Variants in RBM10 observed in about 807,000 individuals in gnomAD.
RBM10 encodes RNA binding motif protein 10.
A neutral mutation model predicts 84.9 loss-of-function variants in RBM10; 1 was observed. The ratio of observed to expected loss-of-function variants is 0.01; its 90% confidence interval spans 0.00 to 0.06. The LOEUF is 0.06. RBM10 is among the 10% of genes least tolerant of loss of function. RBM10 has a pLI of 1.00. For missense variants in RBM10, 438 were observed against 839.0 expected (o/e 0.52, Z 5.90); for synonymous variants, 326 against 344.5 (o/e 0.95, Z 0.60).
At chrX:47,175,325 G>C (rs1935055281) in intron 6 of RBM10, among the ~76,000 whole-genome samples, 1 of 108,535 alleles carries the variant, frequency 9.2e-6, no homozygotes, top group Non-Finnish European at 1.9e-5. Context: ...CTACCACCAG[G>C]CACTAGTGCT....
chrX:47,176,452 G>T, intron 6 of RBM10, 48 bp from the exon 7 acceptor site: 1 of 1,208,669 alleles, frequency 8.3e-7, no homozygotes, highest in Non-Finnish European at 1.1e-6. Flanking sequence ...GAAACGGTGC[G>T]TGGGGCACTG....
Position 47,185,143 on chromosome X carries a change from G to A in RBM10, c.2039G>A (p.Arg680Gln), listed in dbSNP as rs782739450. 8.2e-7 allele frequency: 1 copy of A among 1,212,133 alleles called. No individual in the cohort carries two copies. Among genetic ancestry groups the A allele is most frequent in the Admixed American group, 2.2e-5 (1 of 46,112 alleles). The change falls in exon 18 of 24, where the codon CGA becomes CAA. Residue 680 changes from arginine to glutamine, a missense_variant. Arg to Gln is a conservative substitution (Grantham distance 43). Transcript: ENST00000377604. Reference protein sequence around the residue: ...KNSFQPISSLRDDERRESATA... With the variant: ...KNSFQPISSLQDDERRESATA... The stretch of plus-strand genomic sequence containing the variant: ...AGCTTCCAGCCTATCAGCTCCCTGC[G>A]AGATGACGAGAGGCGGGAGTCAGCC...
At position 47,180,512 on chromosome X, in the gene RBM10, C is replaced by T. The variant is rs369520469; in HGVS notation, c.1248+6C>T. ...CCCAGTGGGCCATCTCACAGGTACTCAGACCCCTTGTGCCTCCCAGCGTCC... is the reference window on the plus strand; with the variant it reads ...CCCAGTGGGCCATCTCACAGGTACTTAGACCCCTTGTGCCTCCCAGCGTCC... On this transcript the variant is annotated splice_donor_region_variant and intron_variant, in intron 12 of 23. Coordinates refer to ENST00000377604, the MANE Select transcript of RBM10 (RefSeq NM_005676.5). 2.9e-5 allele frequency: 35 copies of T among 1,207,983 alleles called. No individual in the cohort carries two copies. Among genetic ancestry groups the T allele is most frequent in the South Asian group, 7.1e-5 (4 of 56,459 alleles).
intron 10 of RBM10, 55 bp from the exon 11 acceptor site, chrX:47,180,157 G>T: frequency 8.5e-7 from 1 of 1,175,133 alleles, no homozygotes; most frequent in Non-Finnish European, 1.2e-6. Context: ...GGGCAATGGA[G>T]CCGGGGGCCT....
In RBM10 at chrX:47,185,424, C is replaced by T. The variant is rs782231863; in HGVS notation, c.2167-18C>T. On this transcript the variant is annotated intron_variant, in intron 19 of 23. Coordinates refer to ENST00000377604, the MANE Select transcript of RBM10 (RefSeq NM_005676.5). The stretch of plus-strand genomic sequence containing the variant: ...TCTGATCTGGCCAGGCCTGACCGCC[C>T]ACCCTCACCCTCTACAGAGCCCTCC... The T allele has an allele frequency of 6.5e-5, 76 of 1,173,743 alleles. 1 individual carries two copies. In the South Asian group the frequency reaches 1.4e-3, roughly 21 times the overall value.
intron 5 of RBM10, among the ~76,000 whole-genome samples, chrX:47,174,679 C>T (rs925619415): frequency 9.0e-6 from 1 of 110,699 alleles, no homozygotes; most frequent in Non-Finnish European, 1.9e-5. Context: ...TTCTTTCCCT[C>T]CCAGCTGCTT....
At chrX:47,152,635 C>T (rs937302408) in intron 2 of RBM10, among the ~76,000 whole-genome samples, 5 of 106,252 alleles carry the variant, frequency 4.7e-5, no homozygotes, top group East Asian at 5.9e-4. Flanking sequence ...TTATTAGAAA[C>T]GAGGTTTCAC....
At chrX:47,170,695 T>C (rs2147133395) in intron 3 of RBM10, among the ~76,000 whole-genome samples, 1 of 111,383 alleles carries the variant, frequency 9.0e-6, no homozygotes, top group African/African-American at 3.3e-5. Flanking sequence ...AAATCAAGGG[T>C]GGGGTCTGGT....
intron 5 of RBM10, among the ~76,000 whole-genome samples, chrX:47,174,002 A>C (rs1340765510): frequency 1.2e-5 from 1 of 84,373 alleles, no homozygotes; most frequent in Non-Finnish European, 2.2e-5. Flanking sequence ...CCTCCTATGC[A>C]TCCTAACGGT....
intron 2 of RBM10, chrX:47,156,956 G>A (rs1317343225): frequency 2.0e-5 from 5 of 246,513 alleles, no homozygotes; most frequent in Non-Finnish European, 3.9e-5. Flanking sequence ...AGAGGTCTGT[G>A]AAGAACCTGC....
Position 47,153,892 on chromosome X carries a change from T to C in RBM10, c.17+6394T>C, listed in dbSNP as rs1463138815. On this transcript the variant is annotated intron_variant, in intron 2 of 23. Coordinates refer to ENST00000377604, the MANE Select transcript of RBM10 (RefSeq NM_005676.5). Reference sequence around the variant, plus strand: ...GGGCAACATGGCGAAACTCTGTCTCTACAAAAAATACAAAAATTAGCTGGG... The same window carrying C: ...GGGCAACATGGCGAAACTCTGTCTCCACAAAAAATACAAAAATTAGCTGGG... Among the ~76,000 whole-genome samples, 3 of 110,731 alleles carry C rather than the reference T, an allele frequency of 2.7e-5. No individual in the cohort carries two copies. The East Asian group carries it at 8.5e-4, about 31-fold the overall frequency.
intron 2 of RBM10, among the ~76,000 whole-genome samples, chrX:47,160,350 C>T (rs1164647021): frequency 2.7e-5 from 3 of 111,923 alleles, no homozygotes; most frequent in Non-Finnish European, 3.8e-5. Flanking sequence ...TCATAAGCTA[C>T]ACATCTGACA....
At chrX:47,160,078 A>C (rs782469431) in intron 2 of RBM10, among the ~76,000 whole-genome samples, 1 of 112,221 alleles carries the variant, frequency 8.9e-6, no homozygotes, top group Non-Finnish European at 1.9e-5. Context: ...CGGAGGTTGC[A>C]GTGAGCCAAG....
intron 17 of RBM10, 47 bp from the exon 18 acceptor site, chrX:47,185,008 C>G: frequency 3.4e-6 from 4 of 1,181,100 alleles, no homozygotes; most frequent in Non-Finnish European, 4.6e-6. Flanking sequence ...TTAGTAGCCC[C>G]AGGGTCATGA....
At chrX:47,179,775 G>T in intron 9 of RBM10, 105 bp from the exon 10 acceptor site, 1 of 1,028,180 alleles carries the variant, frequency 9.7e-7, no homozygotes, top group Non-Finnish European at 1.3e-6. Flanking sequence ...AGTTGCAAAG[G>T]CACGGAGTGA....
intron 2 of RBM10, among the ~76,000 whole-genome samples, chrX:47,152,783 A>ACACC (rs1932844726): frequency 9.9e-6 from 1 of 101,454 alleles, no homozygotes; most frequent in South Asian, 4.8e-4. Flanking sequence ...AGACACACAC[A>ACACC]CACACACACA....
At chrX:47,157,410 G>T in intron 2 of RBM10, 1 of 332,657 alleles carries the variant, frequency 3.0e-6, no homozygotes, top group South Asian at 3.4e-5. Flanking sequence ...GGTGCCGTGA[G>T]CCACTCTAGT....
At chrX:47,158,419 T>C (rs1933360347) in intron 2 of RBM10, among the ~76,000 whole-genome samples, 1 of 111,797 alleles carries the variant, frequency 8.9e-6, no homozygotes, top group Non-Finnish European at 1.9e-5. Context: ...TTGTTCTTTT[T>C]TTCATACGCA....
intron 2 of RBM10, among the ~76,000 whole-genome samples, chrX:47,150,835 CAAA>C (rs782802325): frequency 4.0e-4 from 45 of 111,859 alleles, no homozygotes; most frequent in African/African-American, 1.2e-3. Flanking sequence ...CAAAAGTTAT[CAAA>C]GTCCCTCAAA....
Sources: gnomAD v4.1 joint callset for allele counts (sites outside exome capture counted in the v4.1 genomes callset) on GRCh38, gnomAD v4.1.1 for gene constraint, MANE v1.5 for transcripts, NCBI Gene and HGNC (gene_info 2026-07-23, HGNC 2026-07-21) for gene names.